The following CALB1 variants were observed in gnomAD, a reference collection of about 807,000 sequenced individuals.
The protein encoded by CALB1 is calbindin 1.
CALB1 carries 16 observed loss-of-function variants against 46.7 expected under a neutral mutation model. That is an observed-to-expected ratio of 0.34 (90% confidence interval 0.23 to 0.52). The LOEUF (loss-of-function observed/expected upper bound fraction) is 0.52. CALB1 is among the 20% of genes least tolerant of loss of function. The pLI, the probability that CALB1 is intolerant of heterozygous loss-of-function variation, is 0.95. For synonymous variants in CALB1, 90 were observed against 112.8 expected, an observed-to-expected ratio of 0.80 and a Z score of 1.28; for missense variants, 224 against 300.3, an observed-to-expected ratio of 0.75 and a Z score of 1.88.
intron 6 of CALB1, chr8:90,063,803 A>G (rs879724398): frequency 5.1e-6 from 1 of 195,556 alleles, no homozygotes; most frequent in African/African-American, 2.3e-5. Context: ...AATCTCTCCA[A>G]TAAGAAAATA....
At chr8:90,060,849 G>C in intron 9 of CALB1, 149 bp from the exon 10 acceptor site, 2 of 679,090 alleles carry the variant, frequency 2.9e-6, no homozygotes, top group South Asian at 3.5e-5. Context: ...CAAGTTTTTA[G>C]CTGCTCCAAA....
At chr8:90,071,988 C>T (rs763292974) in intron 3 of CALB1, among the ~76,000 whole-genome samples, 11 of 152,008 alleles carry the variant, frequency 7.2e-5, no homozygotes, top group Non-Finnish European at 1.5e-4. Flanking sequence ...TAAATGCTTG[C>T]GGATTGGTTG....
chr8:90,066,333 T>C (rs757807398), intron 5 of CALB1, among the ~76,000 whole-genome samples: 5 of 152,036 alleles, frequency 3.3e-5, no homozygotes, highest in Non-Finnish European at 7.4e-5. Flanking sequence ...CAAGTACTCA[T>C]TGGATTGTTC....
In CALB1 at chr8:90,076,109, G is replaced by A. The variant is rs530209988; in HGVS notation, c.231+2264C>T. Among the ~76,000 whole-genome samples the A allele has an allele frequency of 2.0e-5, 3 of 152,108 alleles. No homozygotes were observed. The East Asian group carries it at 5.8e-4, about 29-fold the overall frequency. On this transcript the variant is annotated intron_variant, in intron 3 of 10. Transcript: ENST00000265431. The stretch of plus-strand genomic sequence containing the variant: ...CAATCAGTTTATATGTATCTCATTT[G>A]TCTCCCTTTAAATTATTTCTGCTTC...
chr8:90,082,562 G>T (rs928481679), intron 1 of CALB1, 57 bp downstream of exon 1: 1 of 1,396,112 alleles, frequency 7.2e-7, no homozygotes, highest in Non-Finnish European at 1.0e-6. Context: ...AAAGGGCAAA[G>T]AATGGGAAGG....
In CALB1 at chr8:90,078,043, G is replaced by T. The variant is rs537637120; in HGVS notation, c.231+330C>A. 2.0e-5 allele frequency among the ~76,000 whole-genome samples: 3 copies of T among 152,206 alleles called. No homozygotes were observed. In the East Asian group the frequency reaches 5.8e-4, roughly 29 times the overall value. Reference sequence around the variant, plus strand: ...GAAGTGGGGCTGGGTAATGGAATGTGATTGATACTCATGTAGAAGTCAGGG... The same window carrying T: ...GAAGTGGGGCTGGGTAATGGAATGTTATTGATACTCATGTAGAAGTCAGGG... On this transcript the variant is annotated intron_variant, in intron 3 of 10. Transcript: ENST00000265431.
chr8:90,066,793 T>C (rs1814407964), intron 5 of CALB1, among the ~76,000 whole-genome samples: 1 of 152,078 alleles, frequency 6.6e-6, no homozygotes, highest in African/African-American at 2.4e-5. Flanking sequence ...TAGTCATTCA[T>C]TTTGTTTAGT....
chr8:90,070,402 G>T (rs987121130), intron 3 of CALB1, among the ~76,000 whole-genome samples: 1 of 152,024 alleles, frequency 6.6e-6, no homozygotes, highest in Non-Finnish European at 1.5e-5. Flanking sequence ...AGTTCTAAAA[G>T]TTCTACCAAG....
intron 6 of CALB1, chr8:90,064,105 A>T (rs1411654272): frequency 6.6e-6 from 1 of 151,826 alleles, no homozygotes; most frequent in African/African-American, 2.4e-5. Context: ...GTATATATGA[A>T]TTACATTAAA....
chr8:90,070,523 T>G (rs912389557), intron 3 of CALB1, among the ~76,000 whole-genome samples: 4 of 152,230 alleles, frequency 2.6e-5, no homozygotes, highest in African/African-American at 9.6e-5. Context: ...GCAAGGAATC[T>G]AATTTTTCTT....
At chr8:90,061,032 G>A (rs1361258149) in intron 9 of CALB1, 2 of 236,060 alleles carry the variant, frequency 8.5e-6, no homozygotes, top group East Asian at 1.1e-4. Flanking sequence ...TGTCACACCA[G>A]GGTGTGGCAG....
chr8:90,060,561 G>A (rs1056990577), intron 10 of CALB1, 68 bp downstream of exon 10: 4 of 1,170,612 alleles, frequency 3.4e-6, no homozygotes, highest in Admixed American at 3.7e-5. Flanking sequence ...CAAAATGGAT[G>A]TGCTGTTGGT....
At chr8:90,076,751 C>T (rs1814629750) in intron 3 of CALB1, among the ~76,000 whole-genome samples, 1 of 151,942 alleles carries the variant, frequency 6.6e-6, no homozygotes, top group African/African-American at 2.4e-5. Flanking sequence ...GCTAAATGGC[C>T]TCTAACCTCT....
chr8:90,082,145 C>G, intron 1 of CALB1, 43 bp from the exon 2 acceptor site: 1 of 1,514,054 alleles, frequency 6.6e-7, no homozygotes, highest in Non-Finnish European at 9.2e-7. Flanking sequence ...TATCTCATTC[C>G]AAGTGTCTTT....
At chr8:90,060,583 CCA>C (rs1814277328) in intron 10 of CALB1, 44 bp downstream of exon 10, 1 of 1,461,380 alleles carries the variant, frequency 6.8e-7, no homozygotes, top group Admixed American at 1.7e-5. Flanking sequence ...TTGGATGGAT[CCA>C]CAGAGTCTGC....
At chr8:90,078,598 A>G (rs1445615177) in intron 2 of CALB1, 151 bp from the exon 3 acceptor site, 11 of 558,218 alleles carry the variant, frequency 2.0e-5, no homozygotes, top group Middle Eastern at 4.4e-4. Context: ...AATTAAAGGC[A>G]TAACTGATAC....
At chr8:90,068,674 G>A (rs1814443393) in intron 5 of CALB1, among the ~76,000 whole-genome samples, 2 of 151,934 alleles carry the variant, frequency 1.3e-5, no homozygotes. Context: ...ATATATATAT[G>A]TGTTTATTTT....
chr8:90,071,940 A>G (rs1338736030), intron 3 of CALB1, among the ~76,000 whole-genome samples: 1 of 152,210 alleles, frequency 6.6e-6, no homozygotes, highest in Non-Finnish European at 1.5e-5. Context: ...CATCCCCTGA[A>G]TGCCCAGCAT....
At position 90,069,255 on chromosome 8, in the gene CALB1, A is replaced by C. The variant is rs201576698; in HGVS notation, c.232-18T>G. The C allele has an allele frequency of 2.2e-4, 345 of 1,599,408 alleles. No individual in the cohort carries two copies. Among genetic ancestry groups the C allele is most frequent in the Non-Finnish European group, 2.8e-4 (331 of 1,166,990 alleles). On this transcript the variant is annotated intron_variant, in intron 3 of 10. Coordinates refer to ENST00000265431, the MANE Select transcript of CALB1 (RefSeq NM_004929.4). ...TGAGCCAACTGGAAAAGATTTAAGA[A>C]GAGAGAAACGTGTTGTAAGTTGCTC...
Sources: allele counts gnomAD v4.1 joint callset (sites outside exome capture counted in the v4.1 genomes callset), GRCh38; gene constraint gnomAD v4.1.1; transcripts MANE v1.5; gene names NCBI Gene and HGNC (gene_info 2026-07-23, HGNC 2026-07-21).